The following GRID2 variants were observed in gnomAD, a reference collection of about 807,000 sequenced individuals.
GRID2 encodes glutamate receptor ionotropic, delta-2.
Under a neutral mutation model 114.8 loss-of-function variants are expected in GRID2, and 33 were observed. The observed-to-expected ratio is 0.29, with a 90% CI of 0.22 to 0.38. The LOEUF (loss-of-function observed/expected upper bound fraction) is 0.38. Among genes scored for constraint, GRID2 ranks in the 10% least tolerant of loss-of-function variants. The pLI is 1.00. For missense variants in GRID2, 1,184 were observed against 1,257.7 expected, an observed-to-expected ratio of 0.94 and a Z score of 0.89; for synonymous variants, 505 against 449.9, an observed-to-expected ratio of 1.12 and a Z score of -1.55.
chr4:93,164,154 G>A (rs1738025952), intron 4 of GRID2, among the ~76,000 whole-genome samples: 1 of 151,462 alleles, frequency 6.6e-6, no homozygotes. Context: ...ACCAAGCCCG[G>A]GGGGGGAAAA....
At chr4:92,583,655 TTA>T (rs76911864) in intron 1 of GRID2, among the ~76,000 whole-genome samples, 60,484 of 148,132 alleles carry the variant, frequency 0.41, 12,410 homozygotes, top group African/African-American at 0.49. Context: ...CAGATAATAA[TTA>T]TATATATATA....
At chr4:93,256,012 A>G (rs2149539350) in intron 8 of GRID2, among the ~76,000 whole-genome samples, 1 of 152,244 alleles carries the variant, frequency 6.6e-6, no homozygotes, top group Non-Finnish European at 1.5e-5. Context: ...ATTTTTCTAT[A>G]AGGTAAATCA....
At chr4:93,468,663 A>G (rs1323795984) in intron 11 of GRID2, among the ~76,000 whole-genome samples, 4 of 152,244 alleles carry the variant, frequency 2.6e-5, no homozygotes, top group Admixed American at 6.5e-5. Context: ...AGAGAGGTCC[A>G]TGAGTTCAGA....
At chr4:93,246,888 G>T (rs1481600087) in intron 8 of GRID2, among the ~76,000 whole-genome samples, 1 of 152,262 alleles carries the variant, frequency 6.6e-6, no homozygotes, top group East Asian at 1.9e-4. Flanking sequence ...AGTATATTCT[G>T]TGGACCAAAT....
chr4:93,440,088 C>T (rs1167178618), intron 10 of GRID2, among the ~76,000 whole-genome samples: 1 of 151,980 alleles, frequency 6.6e-6, no homozygotes, highest in African/African-American at 2.4e-5. Context: ...GGAGAAGGTC[C>T]TGTTATGAGG....
chr4:93,274,655 G>A (rs1176366547), intron 8 of GRID2, among the ~76,000 whole-genome samples: 1 of 151,910 alleles, frequency 6.6e-6, no homozygotes. Flanking sequence ...TTTCTTCCAT[G>A]TACCAGTAGG....
chr4:93,548,956 A>G (rs914444563), intron 13 of GRID2, among the ~76,000 whole-genome samples: 5 of 152,176 alleles, frequency 3.3e-5, no homozygotes, highest in African/African-American at 1.2e-4. Flanking sequence ...AAAAAAAAAT[A>G]CACATTTTTC....
chr4:93,357,417 ATATT>A (rs539320738), intron 8 of GRID2, among the ~76,000 whole-genome samples: 88 of 151,596 alleles, frequency 5.8e-4, no homozygotes, highest in African/African-American at 2.0e-3. Flanking sequence ...TATGTTGAAA[ATATT>A]TATTCCCAAT....
chr4:93,804,451 A>G (rs1734993947), intron 1 of GRID2, among the ~76,000 whole-genome samples: 1 of 152,202 alleles, frequency 6.6e-6, no homozygotes, highest in Non-Finnish European at 1.5e-5. Flanking sequence ...AGAATACCGC[A>G]GGCAATTGTA....
intron 13 of GRID2, among the ~76,000 whole-genome samples, chr4:93,517,231 G>A (rs755998875): frequency 1.1e-5 from 1 of 87,602 alleles, no homozygotes; most frequent in Admixed American, 1.1e-4. Flanking sequence ...CAATTTATAT[G>A]TGAGGGATTT....
chr4:93,760,586 C>T (rs1026283784), intron 14 of GRID2, among the ~76,000 whole-genome samples: 5 of 152,190 alleles, frequency 3.3e-5, no homozygotes, highest in Non-Finnish European at 4.4e-5. Context: ...ACCACTTCAC[C>T]TCACCGGCAG....
intron 2 of GRID2, among the ~76,000 whole-genome samples, chr4:93,028,576 T>C (rs1724097177): frequency 6.6e-6 from 1 of 152,094 alleles, no homozygotes; most frequent in African/African-American, 2.4e-5. Context: ...GCAAATCTAA[T>C]TTGGAATCTT....
At chr4:92,657,551 A>C (rs144350112) in intron 2 of GRID2, among the ~76,000 whole-genome samples, 94 of 151,738 alleles carry the variant, frequency 6.2e-4, no homozygotes, top group African/African-American at 2.1e-3. Context: ...ATATTTATTT[A>C]TTTTTATTTT....
At chr4:92,931,841 G>A (rs1331902939) in intron 2 of GRID2, among the ~76,000 whole-genome samples, 1 of 150,820 alleles carries the variant, frequency 6.6e-6, no homozygotes, top group Non-Finnish European at 1.5e-5. Context: ...ATTGTTTTTT[G>A]ACAAAAACAC....
At position 93,769,294 on chromosome 4, in the gene GRID2, G is replaced by T; in HGVS notation, c.2445G>T (p.Ser815=). 6.2e-7 allele frequency: 1 copy of T among 1,614,046 alleles called. No homozygotes were observed. Among genetic ancestry groups the T allele is most frequent in the Non-Finnish European group, 8.5e-7 (1 of 1,179,940 alleles). Residue 815 remains serine (S), a synonymous_variant, in exon 15 of 16, where the codon TCG becomes TCT. Transcript: ENST00000282020. ...AGAATGGCCAGTGTGACCTGTACTCGTCAGTGGACACAAAGCAGAAAGGAG... is the reference window on the plus strand; with the variant it reads ...AGAATGGCCAGTGTGACCTGTACTCTTCAGTGGACACAAAGCAGAAAGGAG... The part of the protein sequence containing the change: ...WPKNGQCDLY[S]SVDTKQKGGA...
chr4:93,634,858 G>T (rs1436898454), intron 14 of GRID2, among the ~76,000 whole-genome samples: 1 of 152,080 alleles, frequency 6.6e-6, no homozygotes, highest in Non-Finnish European at 1.5e-5. Context: ...ATAAAATCCA[G>T]GACCCTGAAC....
At chr4:93,233,313 G>GATT (rs199852003) in intron 7 of GRID2, among the ~76,000 whole-genome samples, 4 of 149,448 alleles carry the variant, frequency 2.7e-5, no homozygotes, top group Non-Finnish European at 4.4e-5. Flanking sequence ...GACACTGAAG[G>GATT]ATTATTATTA....
At chr4:93,170,494 G>GT (rs2149421345) in intron 4 of GRID2, among the ~76,000 whole-genome samples, 1 of 152,248 alleles carries the variant, frequency 6.6e-6, no homozygotes, top group East Asian at 1.9e-4. Context: ...ATCCGGATGT[G>GT]TGTTTCATTC....
intron 3 of GRID2, among the ~76,000 whole-genome samples, chr4:93,102,866 G>C (rs1466971041): frequency 6.6e-6 from 1 of 151,388 alleles, no homozygotes; most frequent in Non-Finnish European, 1.5e-5. Context: ...CAAATGCAGT[G>C]TGTTTTCCCC....
Sources: gnomAD v4.1 joint callset for allele counts (sites outside exome capture counted in the v4.1 genomes callset) on GRCh38, gnomAD v4.1.1 for gene constraint, MANE v1.5 for transcripts, NCBI Gene and HGNC (gene_info 2026-07-23, HGNC 2026-07-21) for gene names.